Variants in SRD5A1 observed in about 807,000 individuals in gnomAD.
SRD5A1 encodes steroid 5 alpha-reductase 1, also known as 3-oxo-5-alpha-steroid 4-dehydrogenase 1.
In SRD5A1, 22 loss-of-function variants were observed where a neutral mutation model predicts 28.2. The observed-to-expected ratio is 0.78, with a 90% confidence interval of 0.56 to 1.12. The LOEUF is 1.12. Among genes scored for constraint, SRD5A1 ranks in the 50% most tolerant of loss-of-function variants. The pLI is 0.00. For missense variants in SRD5A1, 300 were observed against 346.7 expected, an observed-to-expected ratio of 0.87 and a Z score of 1.07; for synonymous variants, 151 against 135.0, an observed-to-expected ratio of 1.12 and a Z score of -0.82.
intron 1 of SRD5A1, among the ~76,000 whole-genome samples, chr5:6,641,661 C>T (rs1350227541): frequency 6.6e-6 from 1 of 152,146 alleles, no homozygotes; most frequent in East Asian, 1.9e-4. Flanking sequence ...AGACTGGTGT[C>T]GATCTTTGTA....
At chr5:6,633,898 C>G (rs1439359313) in intron 1 of SRD5A1, 29 bp downstream of exon 1, 19 of 1,592,750 alleles carry the variant, frequency 1.2e-5, no homozygotes, top group Non-Finnish European at 1.4e-5. Context: ...GGCCCCCTAC[C>G]CTACTCCCGG....
At chr5:6,648,155 T>G (rs1435213333) in intron 1 of SRD5A1, among the ~76,000 whole-genome samples, 3 of 152,226 alleles carry the variant, frequency 2.0e-5, no homozygotes, top group Non-Finnish European at 4.4e-5. Context: ...CTGCTGTTAG[T>G]CTGATGGGCT....
intron 4 of SRD5A1, among the ~76,000 whole-genome samples, chr5:6,667,703 C>T (rs1056292008): frequency 1.3e-5 from 2 of 152,186 alleles, no homozygotes; most frequent in African/African-American, 4.8e-5. Context: ...TATTGCATTT[C>T]CCCAGATTTC....
chr5:6,644,647 C>T (rs1052615733), intron 1 of SRD5A1, among the ~76,000 whole-genome samples: 3 of 152,090 alleles, frequency 2.0e-5, no homozygotes, highest in South Asian at 2.1e-4. Context: ...TCTGTCCATC[C>T]GGGTCTAACA....
At chr5:6,643,568 G>C (rs570563367) in intron 1 of SRD5A1, among the ~76,000 whole-genome samples, 7 of 152,136 alleles carry the variant, frequency 4.6e-5, no homozygotes, top group African/African-American at 1.7e-4. Context: ...GGGATTACAG[G>C]CATGAGCCAC....
intron 2 of SRD5A1, among the ~76,000 whole-genome samples, chr5:6,655,731 G>A (rs1216968505): frequency 2.0e-5 from 3 of 152,192 alleles, no homozygotes; most frequent in African/African-American, 7.2e-5. Context: ...GAAATAAGTG[G>A]GATGCGTCTG....
At chr5:6,645,469 G>A (rs560067843) in intron 1 of SRD5A1, among the ~76,000 whole-genome samples, 38 of 152,072 alleles carry the variant, frequency 2.5e-4, no homozygotes, top group African/African-American at 7.5e-4. Flanking sequence ...GAGAAACCCC[G>A]TCTCTACTAA....
chr5:6,668,185 T>TA lies in SRD5A1; in HGVS notation c.714-15dup, dbSNP rs1463670488. ...TAAGCGACAGAATTATTTCCTTTTTTAATTTTTTTTTCTTAGGTGGTACCT... is the reference window on the plus strand; with the variant it reads ...TAAGCGACAGAATTATTTCCTTTTTTAAATTTTTTTTTCTTAGGTGGTACCT... On this transcript the variant is annotated splice_polypyrimidine_tract_variant and intron_variant, in intron 4 of 4. Coordinates refer to ENST00000274192, the MANE Select transcript of SRD5A1 (RefSeq NM_001047.4). 1 of 1,498,996 alleles carries TA rather than the reference T, an allele frequency of 6.7e-7. No homozygotes were observed. The highest frequency in any genetic ancestry group is 2.3e-5 in the East Asian group (1 of 43,544). 92.9% of individuals were successfully genotyped at this position (1,498,996 alleles called of 1,614,324 possible).
intron 3 of SRD5A1, among the ~76,000 whole-genome samples, chr5:6,660,293 C>T (rs1306392168): frequency 2.6e-5 from 4 of 152,192 alleles, no homozygotes; most frequent in African/African-American, 4.8e-5. Context: ...TCCACCCATA[C>T]GGTTCCACCA....
intron 3 of SRD5A1, among the ~76,000 whole-genome samples, chr5:6,658,696 A>G (rs1342642268): frequency 6.6e-6 from 1 of 152,180 alleles, no homozygotes; most frequent in African/African-American, 2.4e-5. Context: ...CCAAGTACTA[A>G]CCAGGCTCAG....
intron 2 of SRD5A1, among the ~76,000 whole-genome samples, chr5:6,655,231 C>T (rs1037161648): frequency 6.6e-6 from 1 of 152,144 alleles, no homozygotes; most frequent in African/African-American, 2.4e-5. Context: ...TCTGTCTTTC[C>T]CATTTTAAAA....
intron 3 of SRD5A1, among the ~76,000 whole-genome samples, chr5:6,659,708 C>T (rs952199878): frequency 2.0e-5 from 3 of 152,122 alleles, no homozygotes; most frequent in East Asian, 3.9e-4. Context: ...TTCAGGGCAG[C>T]GTTCCGTGCC....
intron 3 of SRD5A1, among the ~76,000 whole-genome samples, chr5:6,662,547 A>G (rs1317158518): frequency 6.6e-6 from 1 of 152,230 alleles, no homozygotes; most frequent in Non-Finnish European, 1.5e-5. Flanking sequence ...CAGCAGGTGC[A>G]CTGGTTTATT....
At chr5:6,662,778 G>A (rs753746995) in intron 3 of SRD5A1, 38 bp from the exon 4 acceptor site, 3 of 1,595,472 alleles carry the variant, frequency 1.9e-6, no homozygotes, top group Non-Finnish European at 2.6e-6. Flanking sequence ...ATTTCATTTT[G>A]TAGTAAATGC....
At chr5:6,634,403 A>T (rs1165562037) in intron 1 of SRD5A1, among the ~76,000 whole-genome samples, 1 of 129,320 alleles carries the variant, frequency 7.7e-6, no homozygotes, top group African/African-American at 2.9e-5. Context: ...TTGTTCCCTT[A>T]GATCACGACT....
chr5:6,668,219 T>C lies in SRD5A1; in HGVS notation c.731T>C (p.Phe244Ser), dbSNP rs371828257. 2.5e-6 allele frequency: 4 copies of C among 1,584,798 alleles called. No homozygotes were observed. The African/African-American group carries it at 5.4e-5, about 22-fold the overall frequency. ...KEHHEWYLRK[F>S]EEYPKFRKII... ...TTTCTTAGGTGGTACCTCCGGAAAT[T>C]TGAAGAGTATCCAAAGTTCAGAAAA... Residue 244 changes from phenylalanine to serine, a missense_variant, in exon 5 of 5, where the codon TTT (phenylalanine) becomes TCT (serine). Transcript: ENST00000274192.
At chr5:6,663,137 G>T (rs933252125) in intron 4 of SRD5A1, among the ~76,000 whole-genome samples, 171 bp downstream of exon 4, 2 of 152,296 alleles carry the variant, frequency 1.3e-5, no homozygotes. Flanking sequence ...CAGCTCTAGG[G>T]AATAATCAGG....
intron 1 of SRD5A1, 58 bp downstream of exon 1, chr5:6,633,927 C>T (rs1486456439): frequency 6.4e-7 from 1 of 1,561,418 alleles, no homozygotes; most frequent in Non-Finnish European, 8.7e-7. Flanking sequence ...CCTCTCCGAC[C>T]CTCCCCTCAC....
intron 1 of SRD5A1, among the ~76,000 whole-genome samples, chr5:6,638,102 G>A (rs1237539106): frequency 1.3e-5 from 2 of 152,204 alleles, no homozygotes; most frequent in Non-Finnish European, 2.9e-5. Flanking sequence ...ACGCTGGGAG[G>A]CCGAGGAAGG....
Sources: gnomAD v4.1 joint callset for allele counts (sites outside exome capture counted in the v4.1 genomes callset) on GRCh38, gnomAD v4.1.1 for gene constraint, MANE v1.5 for transcripts, NCBI Gene and HGNC (gene_info 2026-07-23, HGNC 2026-07-21) for gene names.